The following FOXP1 variants were observed in gnomAD, a reference collection of about 807,000 sequenced individuals.
The protein encoded by FOXP1 is forkhead box P1.
FOXP1 carries 15 observed loss-of-function variants against 98.2 expected under a neutral mutation model. That is an observed-to-expected ratio of 0.15 (90% CI 0.10 to 0.24). FOXP1 has a LOEUF of 0.24. FOXP1 is among the 10% of genes least tolerant of loss of function. FOXP1 has a pLI of 1.00. For synonymous variants in FOXP1, 371 were observed against 314.5 expected, an observed-to-expected ratio of 1.18 and a Z score of -1.90; for missense variants, 633 against 848.5, an observed-to-expected ratio of 0.75 and a Z score of 3.15.
chr3:71,195,718 G>A (rs564388791), intron 6 of FOXP1, among the ~76,000 whole-genome samples: 115 of 152,324 alleles, frequency 7.5e-4, no homozygotes, highest in South Asian at 3.3e-3. Flanking sequence ...AATTTTATCC[G>A]TGGTTTTGTG....
At chr3:71,245,133 T>C (rs925612337) in intron 5 of FOXP1, 1 of 152,222 alleles carries the variant, frequency 6.6e-6, no homozygotes, top group Non-Finnish European at 1.5e-5. Flanking sequence ...GGGAAGCCTT[T>C]TGTGGAGTTG....
At chr3:71,445,478 T>C (rs2086327722) in intron 3 of FOXP1, among the ~76,000 whole-genome samples, 1 of 152,070 alleles carries the variant, frequency 6.6e-6, no homozygotes. Context: ...CAAGAAGTTC[T>C]AAGATTCTAA....
chr3:71,271,187 G>A (rs190624002), intron 5 of FOXP1, among the ~76,000 whole-genome samples: 7 of 152,272 alleles, frequency 4.6e-5, no homozygotes, highest in South Asian at 4.1e-4. Context: ...CCCAGATAAT[G>A]CCACTGCACT....
intron 6 of FOXP1, among the ~76,000 whole-genome samples, chr3:71,140,179 T>G (rs1225803765): frequency 6.6e-6 from 1 of 152,196 alleles, no homozygotes; most frequent in Non-Finnish European, 1.5e-5. Flanking sequence ...TTGGAATATC[T>G]GCATACACAT....
chr3:70,970,681 T>C, intron 19 of FOXP1, 55 bp downstream of exon 19: 3 of 1,309,678 alleles, frequency 2.3e-6, no homozygotes, highest in South Asian at 2.4e-5. Flanking sequence ...TATTTTGAAA[T>C]GAGTAGGGGA....
chr3:71,289,456 C>T (rs2072521735), intron 5 of FOXP1: 1 of 152,274 alleles, frequency 6.6e-6, no homozygotes, highest in Admixed American at 6.5e-5. Context: ...TGGACTGAAG[C>T]AATCCTCCTG....
intron 5 of FOXP1, chr3:71,245,082 G>A (rs917105161): frequency 6.6e-6 from 1 of 152,196 alleles, no homozygotes; most frequent in Non-Finnish European, 1.5e-5. Flanking sequence ...CTCAGTGGCA[G>A]AAGCGAGAGT....
intron 5 of FOXP1, among the ~76,000 whole-genome samples, chr3:71,279,906 G>C (rs919651845): frequency 6.6e-6 from 1 of 151,912 alleles, no homozygotes; most frequent in Admixed American, 6.6e-5. Flanking sequence ...GGCGGATCAC[G>C]AGGTCAGGAG....
At chr3:71,107,614 A>C (rs557951616) in intron 7 of FOXP1, among the ~76,000 whole-genome samples, 129 of 152,308 alleles carry the variant, frequency 8.5e-4, no homozygotes, top group African/African-American at 2.9e-3. Context: ...ACATTAAAAA[A>C]AAAAGTTTGC....
At chr3:71,149,021 C>T (rs1033922269) in intron 6 of FOXP1, among the ~76,000 whole-genome samples, 3 of 152,188 alleles carry the variant, frequency 2.0e-5, no homozygotes, top group Admixed American at 6.5e-5. Context: ...TTTGGATAGG[C>T]CTCAGACAAC....
chr3:71,566,558 A>T (rs1236014994), intron 2 of FOXP1, among the ~76,000 whole-genome samples: 1 of 152,252 alleles, frequency 6.6e-6, no homozygotes, highest in African/African-American at 2.4e-5. Flanking sequence ...TCCAACGGGC[A>T]ATTTGGAAAA....
chr3:71,255,769 A>G (rs543474790), intron 5 of FOXP1, among the ~76,000 whole-genome samples: 17 of 152,318 alleles, frequency 1.1e-4, no homozygotes, highest in African/African-American at 4.1e-4. Context: ...TTATATATTA[A>G]TTTTAAAAGG....
chr3:71,539,852 T>G (rs2044648352), intron 2 of FOXP1, among the ~76,000 whole-genome samples: 1 of 152,132 alleles, frequency 6.6e-6, no homozygotes, highest in Non-Finnish European at 1.5e-5. Context: ...AAGGTAAAAC[T>G]AAAGCTGGAT....
At chr3:71,535,844 C>T (rs2107569758) in intron 2 of FOXP1, among the ~76,000 whole-genome samples, 1 of 152,288 alleles carries the variant, frequency 6.6e-6, no homozygotes, top group South Asian at 2.1e-4. Flanking sequence ...CTAAAGATAT[C>T]CCAAGATCCT....
intron 7 of FOXP1, among the ~76,000 whole-genome samples, chr3:71,066,527 A>G (rs995838188): frequency 7.2e-5 from 11 of 152,208 alleles, no homozygotes; most frequent in African/African-American, 2.7e-4. Flanking sequence ...GACTATCAGT[A>G]GAGTTCTGAC....
chr3:71,429,718 AC>A (rs1186503696), intron 3 of FOXP1, among the ~76,000 whole-genome samples: 1 of 152,166 alleles, frequency 6.6e-6, no homozygotes, highest in Non-Finnish European at 1.5e-5. Context: ...ATTTGGTGAA[AC>A]CCTCAAAATA....
intron 7 of FOXP1, among the ~76,000 whole-genome samples, chr3:71,078,458 G>A (rs145771738): frequency 5.1e-4 from 77 of 152,212 alleles, no homozygotes; most frequent in African/African-American, 1.8e-3. Flanking sequence ...ATGATTCAGA[G>A]ATTACACAAA....
intron 2 of FOXP1, 145 bp downstream of exon 2, chr3:71,581,404 T>A (rs2048157151): frequency 5.1e-6 from 5 of 985,450 alleles, no homozygotes; most frequent in Non-Finnish European, 4.8e-6. Flanking sequence ...CCTACCGGCC[T>A]GAGGATGGGC....
At chr3:71,556,586 A>G (rs1421758365) in intron 2 of FOXP1, among the ~76,000 whole-genome samples, 1 of 151,112 alleles carries the variant, frequency 6.6e-6, no homozygotes, top group Admixed American at 6.6e-5. Flanking sequence ...CAAAAAAAAA[A>G]AAAAAAAAAA....
Sources: gnomAD v4.1 joint callset for allele counts (sites outside exome capture counted in the v4.1 genomes callset) on GRCh38, gnomAD v4.1.1 for gene constraint, MANE v1.5 for transcripts, NCBI Gene and HGNC (gene_info 2026-07-23, HGNC 2026-07-21) for gene names.